IGSF3: variants seen among roughly 807,000 people sequenced by gnomAD.
The protein encoded by IGSF3 is glu-Trp-Ile EWI motif-containing protein 3.
IGSF3 carries 23 observed loss-of-function variants against 114.4 expected under a neutral mutation model. The ratio of observed to expected loss-of-function variants is 0.20; its 90% CI spans 0.14 to 0.28. The LOEUF is 0.28. Ranked by LOEUF, IGSF3 falls within the 10% of genes least tolerant of loss-of-function variation. The pLI, the probability that IGSF3 is intolerant of heterozygous loss-of-function variation, is 1.00. For missense variants in IGSF3, 1,172 were observed against 1,591.5 expected, an observed-to-expected ratio of 0.74 and a Z score of 4.48; for synonymous variants, 571 against 645.2, an observed-to-expected ratio of 0.88 and a Z score of 1.74.
chr1:116,639,815 C>G (rs1648000302), intron 2 of IGSF3, among the ~76,000 whole-genome samples: 1 of 152,016 alleles, frequency 6.6e-6, no homozygotes, highest in Non-Finnish European at 1.5e-5. Flanking sequence ...GGGCGAATCA[C>G]TTGAGGTCAG....
chr1:116,640,345 C>T (rs1648035358), intron 2 of IGSF3, among the ~76,000 whole-genome samples: 1 of 152,116 alleles, frequency 6.6e-6, no homozygotes, highest in Non-Finnish European at 1.5e-5. Flanking sequence ...AGAAAGAAAG[C>T]ATTACAGGCT....
At position 116,575,749 on chromosome 1, in the gene IGSF3, A is replaced by T. The variant is rs1659317065; in HGVS notation, c.*1563T>A. On this transcript the variant is annotated 3_prime_UTR_variant, in exon 11 of 11. Coordinates refer to ENST00000369486, the MANE Select transcript of IGSF3 (RefSeq NM_001007237.3). The surrounding 1 kb of genome is among the most constrained non-coding windows in gnomAD (Gnocchi z 5.6). Reference sequence around the variant, plus strand: ...ACATCTTCATAAAGGGAGCAAAAGGAAATATTTGCAATTGATGATGCCCTA... The same window carrying T: ...ACATCTTCATAAAGGGAGCAAAAGGTAATATTTGCAATTGATGATGCCCTA... 6.6e-6 allele frequency: 1 copy of T among 152,260 alleles called. No individual in the cohort carries two copies. Among genetic ancestry groups the T allele is most frequent in the Non-Finnish European group, 1.5e-5 (1 of 68,060 alleles). 9.4% of individuals were successfully genotyped at this position (152,260 alleles called of 1,614,324 possible).
In IGSF3 at chr1:116,615,261, C is replaced by T. The variant is rs1268420161; in HGVS notation, c.421+819G>A. ...TGCACTCCAGCCTGGGCAACAAGAG[C>T]GAAGCTCCATCACACATACACACAT... On this transcript the variant is annotated intron_variant, in intron 3 of 10. Coordinates refer to ENST00000369486, the MANE Select transcript of IGSF3 (RefSeq NM_001007237.3). The surrounding 1 kb of genome is among the most constrained non-coding windows in gnomAD (Gnocchi z 4.3). Among the ~76,000 whole-genome samples, 7 of 150,212 alleles carry T rather than the reference C, an allele frequency of 4.7e-5. No individual in the cohort carries two copies. The highest frequency in any genetic ancestry group is 1.3e-4 in the Admixed American group (2 of 15,106).
At chr1:116,656,589 T>C (rs1304724773) in intron 2 of IGSF3, among the ~76,000 whole-genome samples, 3 of 152,028 alleles carry the variant, frequency 2.0e-5, no homozygotes, top group African/African-American at 4.8e-5. Context: ...TACATTCTTG[T>C]AACAGAATTA....
intron 7 of IGSF3, among the ~76,000 whole-genome samples, chr1:116,591,865 C>A (rs1181889755): frequency 6.6e-6 from 1 of 152,230 alleles, no homozygotes; most frequent in Non-Finnish European, 1.5e-5. Context: ...CAGGTGTTTT[C>A]ATCTGCAAAA....
At position 116,579,954 on chromosome 1, in the gene IGSF3, TA is replaced by T; in HGVS notation, c.2849-78del. ...TCAAAATAAACTAAATGTCCATCAT[TA>T]AACACATGATAGTAACATCCATACT... On this transcript the variant is annotated intron_variant, in intron 9 of 10. Transcript: ENST00000369486. The surrounding 1 kb of genome is among the most constrained non-coding windows in gnomAD (Gnocchi z 6.4). The T allele has an allele frequency of 8.1e-7, 1 of 1,239,510 alleles. No homozygotes were observed. Among genetic ancestry groups the T allele is most frequent in the Non-Finnish European group, 1.1e-6 (1 of 903,498 alleles). 76.8% of individuals were successfully genotyped at this position (1,239,510 alleles called of 1,614,324 possible). A position where few individuals can be genotyped will look rare whatever the true frequency, so the allele number is the denominator to read the frequency against.
At position 116,605,358 on chromosome 1, in the gene IGSF3, T is replaced by C. The variant is rs1235456720; in HGVS notation, c.1223-1333A>G. ...GCACTGAGCCTCCACATGTAGCTCT[T>C]ATTATAGTGAGGATGCCTGCTATCC... On this transcript the variant is annotated intron_variant, in intron 5 of 10. Transcript: ENST00000369486. The surrounding 1 kb of genome is among the most constrained non-coding windows in gnomAD (Gnocchi z 5.1). Among the ~76,000 whole-genome samples the C allele has an allele frequency of 6.6e-6, 1 of 152,092 alleles. No individual in the cohort carries two copies. The highest frequency in any genetic ancestry group is 1.9e-4 in the East Asian group (1 of 5,132).
At position 116,612,373 on chromosome 1, in the gene IGSF3, T is replaced by G. The variant is rs1337735375; in HGVS notation, c.832+1392A>C. On this transcript the variant is annotated intron_variant, in intron 4 of 10. Transcript: ENST00000369486. This position sits in a 1 kb window ranked among gnomAD's most constrained non-coding sequence, Gnocchi z 4.1. ...TCCATTAGATGACTTATTAAAGTGA[T>G]GTCCAGAGAATTGCTTCTGCCCTAG... Among the ~76,000 whole-genome samples, 1 of 151,914 alleles carries G rather than the reference T, an allele frequency of 6.6e-6. No homozygotes were observed. The highest frequency in any genetic ancestry group is 1.5e-5 in the Non-Finnish European group (1 of 67,980).
At position 116,577,308 on chromosome 1, in the gene IGSF3, C is replaced by T; in HGVS notation, c.*4G>A. ...TGGCCAACATCCGCTGGGGCATCAC[C>T]CGCTTAGTCTATGGCCCCTGGATGG... On this transcript the variant is annotated 3_prime_UTR_variant, in exon 11 of 11. Coordinates refer to ENST00000369486, the MANE Select transcript of IGSF3 (RefSeq NM_001007237.3). This position sits in a 1 kb window ranked among gnomAD's most constrained non-coding sequence, Gnocchi z 5.7. The T allele has an allele frequency of 1.9e-6, 3 of 1,613,284 alleles. No homozygotes were observed. Among genetic ancestry groups the T allele is most frequent in the Non-Finnish European group, 2.5e-6 (3 of 1,179,826 alleles).
At chr1:116,601,262 A>G (rs4497253) in intron 6 of IGSF3, among the ~76,000 whole-genome samples, 1 of 152,240 alleles carries the variant, frequency 6.6e-6, no homozygotes, top group Admixed American at 6.5e-5. Context: ...TCAAGCATTT[A>G]GTAAGTCAAT....
At position 116,583,436 on chromosome 1, in the gene IGSF3, G is replaced by A. The variant is rs928821827; in HGVS notation, c.2848+1209C>T. Among the ~76,000 whole-genome samples, 9 of 152,210 alleles carry A rather than the reference G, an allele frequency of 5.9e-5. No individual in the cohort carries two copies. The highest frequency in any genetic ancestry group is 1.0e-4 in the Non-Finnish European group (7 of 68,038). ...CCTGCAGTTTAGGCAAGACACAGGCGAGTGAGATACTGCCCATTTCCTATA... is the reference window on the plus strand; with the variant it reads ...CCTGCAGTTTAGGCAAGACACAGGCAAGTGAGATACTGCCCATTTCCTATA... On this transcript the variant is annotated intron_variant, in intron 9 of 10. Coordinates refer to ENST00000369486, the MANE Select transcript of IGSF3 (RefSeq NM_001007237.3). This position sits in a 1 kb window ranked among gnomAD's most constrained non-coding sequence, Gnocchi z 4.5.
chr1:116,665,134 A>G lies in IGSF3; in HGVS notation c.43+1150T>C, dbSNP rs573026160. On this transcript the variant is annotated intron_variant, in intron 2 of 10. Coordinates refer to ENST00000369486, the MANE Select transcript of IGSF3 (RefSeq NM_001007237.3). The surrounding 1 kb of genome is among the most constrained non-coding windows in gnomAD (Gnocchi z 4.0). ...TTGTTTCTGTTTTATTGACATTCAG[A>G]TGTCAATCATGGTGAAGCTGGGATA... Among the ~76,000 whole-genome samples the G allele has an allele frequency of 2.0e-5, 3 of 152,144 alleles. No homozygotes were observed. Among genetic ancestry groups the G allele is most frequent in the Non-Finnish European group, 4.4e-5 (3 of 68,028 alleles).
At position 116,589,147 on chromosome 1, in the gene IGSF3, G is replaced by A; in HGVS notation, c.2030-43C>T. On this transcript the variant is annotated intron_variant, in intron 7 of 10. Transcript: ENST00000369486. The surrounding 1 kb of genome is among the most constrained non-coding windows in gnomAD (Gnocchi z 5.7). ...ACACAGGAATCACCACAGACTCCCA[G>A]AAACGTGGCCCATCCACCTCCAGGC... 5 of 1,559,052 alleles carry A rather than the reference G, an allele frequency of 3.2e-6. No homozygotes were observed. Among genetic ancestry groups the A allele is most frequent in the Non-Finnish European group, 4.4e-6 (5 of 1,142,270 alleles).
Position 116,650,326 on chromosome 1 carries a change from A to C in IGSF3, c.43+15958T>G, listed in dbSNP as rs778839066. Reference sequence around the variant, plus strand: ...TGGCCTCAACAAACCTGCTTTCCTCATTGCAACAAGATGGCTGCTTCATGT... The same window carrying C: ...TGGCCTCAACAAACCTGCTTTCCTCCTTGCAACAAGATGGCTGCTTCATGT... On this transcript the variant is annotated intron_variant, in intron 2 of 10. Transcript: ENST00000369486. This position sits in a 1 kb window ranked among gnomAD's most constrained non-coding sequence, Gnocchi z 5.0. Among the ~76,000 whole-genome samples, 8 of 152,084 alleles carry C rather than the reference A, an allele frequency of 5.3e-5. No homozygotes were observed. The highest frequency in any genetic ancestry group is 8.8e-5 in the Non-Finnish European group (6 of 68,016).
rs568966424 is a variant in IGSF3, at chr1:116,617,314, T to C, written c.44-857A>G. The C allele has an allele frequency of 3.0e-5, 30 of 985,052 alleles. No individual in the cohort carries two copies. The South Asian group carries it at 1.2e-3, about 40-fold the overall frequency. 61.0% of individuals were successfully genotyped at this position (985,052 alleles called of 1,614,324 possible). Reference sequence around the variant, plus strand: ...TCTTCTTAAAGTGGCATGGTGAGTTTAATTTCTCATTTCACGCCAACTCAA... The same window carrying C: ...TCTTCTTAAAGTGGCATGGTGAGTTCAATTTCTCATTTCACGCCAACTCAA... On this transcript the variant is annotated intron_variant, in intron 2 of 10. Coordinates refer to ENST00000369486, the MANE Select transcript of IGSF3 (RefSeq NM_001007237.3).
chr1:116,650,643 G>A lies in IGSF3; in HGVS notation c.43+15641C>T, dbSNP rs564877622. Among the ~76,000 whole-genome samples, 27 of 152,260 alleles carry A rather than the reference G, an allele frequency of 1.8e-4. No individual in the cohort carries two copies. The highest frequency in any genetic ancestry group is 4.1e-4 in the South Asian group (2 of 4,820). On this transcript the variant is annotated intron_variant, in intron 2 of 10. Coordinates refer to ENST00000369486, the MANE Select transcript of IGSF3 (RefSeq NM_001007237.3). This position sits in a 1 kb window ranked among gnomAD's most constrained non-coding sequence, Gnocchi z 5.0. ...AGAGCCACTGTAGGTAACCAATCAC[G>A]TCTACCACAGGCAGGGACCAATACC... is the stretch of plus-strand genomic sequence containing the variant.
In IGSF3 at chr1:116,584,514, TA is replaced by T; in HGVS notation, c.2848+130del. On this transcript the variant is annotated intron_variant, in intron 9 of 10. Coordinates refer to ENST00000369486, the MANE Select transcript of IGSF3 (RefSeq NM_001007237.3). The surrounding 1 kb of genome is among the most constrained non-coding windows in gnomAD (Gnocchi z 5.8). ...TCAGGCAATTTTGAATATAAATGCA[TA>T]TACATGTAGACACTCATATATTTAA... is the stretch of plus-strand genomic sequence containing the variant. 4 of 882,326 alleles carry T rather than the reference TA, an allele frequency of 4.5e-6. No individual in the cohort carries two copies. Among genetic ancestry groups the T allele is most frequent in the African/African-American group, 1.7e-5 (1 of 59,810 alleles). The allele number at this position is 882,326 out of a possible 1,614,324, so 54.7% of individuals were successfully genotyped here. A position where few individuals can be genotyped will look rare whatever the true frequency, so the allele number is the denominator to read the frequency against.
At position 116,584,755 on chromosome 1, in the gene IGSF3, C is replaced by A; in HGVS notation, c.2738G>T (p.Ser913Ile). The A allele has an allele frequency of 6.2e-7, 1 of 1,614,144 alleles. No individual in the cohort carries two copies. Among genetic ancestry groups the A allele is most frequent in the Non-Finnish European group, 8.5e-7 (1 of 1,179,938 alleles). The change falls in exon 9 of 11, where the codon AGC becomes ATC. Residue 913 changes from serine (S) to isoleucine (I), a missense_variant. Ser to Ile is a moderately radical substitution (Grantham distance 142). Transcript: ENST00000369486. The surrounding 1 kb of genome is among the most constrained non-coding windows in gnomAD (Gnocchi z 5.8). Reference protein sequence around the residue: ...LFIQNVAVQDSGTYSCHVEEW... With the variant: ...LFIQNVAVQDIGTYSCHVEEW... ...CTCCACATGGCAGCTGTAGGTCCCG[C>A]TGTCCTGCACAGCCACGTTCTGGAT... is the stretch of plus-strand genomic sequence containing the variant.
At chr1:116,613,017 C>G (rs1661082678) in intron 4 of IGSF3, among the ~76,000 whole-genome samples, 1 of 152,218 alleles carries the variant, frequency 6.6e-6, no homozygotes, top group African/African-American at 2.4e-5. Flanking sequence ...GCAACCTCCT[C>G]AGGACCCCTT....
Sources: gnomAD v4.1 joint callset for allele counts (sites outside exome capture counted in the v4.1 genomes callset) on GRCh38, gnomAD v4.1.1 for gene constraint, Gnocchi (gnomAD v3.1) non-coding constraint, MANE v1.5 for transcripts, NCBI Gene and HGNC (gene_info 2026-07-23, HGNC 2026-07-21) for gene names.